PARP4: variants seen among roughly 807,000 people sequenced by gnomAD.
The protein encoded by PARP4 is poly(ADP-ribose) polymerase family member 4, also known as protein mono-ADP-ribosyltransferase PARP4.
Under a neutral mutation model 187.7 loss-of-function variants are expected in PARP4, and 120 were observed. The ratio of observed to expected loss-of-function variants is 0.64; its 90% CI spans 0.55 to 0.74. The LOEUF (loss-of-function observed/expected upper bound fraction) is 0.74. PARP4 is among the 30% of genes least tolerant of loss of function. The pLI is 0.00. For synonymous variants in PARP4, 654 were observed against 740.9 expected (o/e 0.88, Z 1.90); for missense variants, 1,836 against 2,070.5 (o/e 0.89, Z 2.20).
At chr13:24,453,746 T>C (rs1593607670) in intron 22 of PARP4, 92 bp from the exon 23 acceptor site, 1 of 757,328 alleles carries the variant, frequency 1.3e-6, no homozygotes, top group Non-Finnish European at 2.4e-6. Flanking sequence ...CCATCACGGC[T>C]GTTGTAAAGG....
At chr13:24,461,027 G>A (rs1872194088) in intron 17 of PARP4, among the ~76,000 whole-genome samples, 1 of 152,096 alleles carries the variant, frequency 6.6e-6, no homozygotes, top group Non-Finnish European at 1.5e-5. Context: ...GTTGATAATA[G>A]CTATATAAGG....
chr13:24,454,864 G>A (rs1378894487), intron 22 of PARP4, among the ~76,000 whole-genome samples, 153 bp downstream of exon 22: 1 of 152,100 alleles, frequency 6.6e-6, no homozygotes, highest in East Asian at 1.9e-4. Flanking sequence ...CCGGGACCTA[G>A]GGGGTCCAGC....
intron 10 of PARP4, among the ~76,000 whole-genome samples, chr13:24,489,735 G>C (rs1344526042): frequency 6.6e-6 from 1 of 152,220 alleles, no homozygotes; most frequent in Non-Finnish European, 1.5e-5. Context: ...ATGGGTCTGA[G>C]TCAGGCCATA....
At chr13:24,439,026 G>C (rs1233635348) in intron 30 of PARP4, among the ~76,000 whole-genome samples, 1 of 152,094 alleles carries the variant, frequency 6.6e-6, no homozygotes, top group African/African-American at 2.4e-5. Flanking sequence ...CAAGCTAATG[G>C]ATAATATTTT....
chr13:24,492,547 T>C lies in PARP4; in HGVS notation c.927A>G (p.Lys309=). 6.2e-7 allele frequency: 1 copy of C among 1,614,170 alleles called. No homozygotes were observed. Among genetic ancestry groups the C allele is most frequent in the South Asian group, 1.1e-5 (1 of 91,080 alleles). ...GILLLVKAAL[K]NGETAEQLQK... Reference sequence around the variant, plus strand: ...GCAATTGCTCTGCTGTTTCTCCATTTTTCAGTGCTGCCTTTACTAGAAGGA... The same window carrying C: ...GCAATTGCTCTGCTGTTTCTCCATTCTTCAGTGCTGCCTTTACTAGAAGGA... Residue 309 remains lysine, a synonymous_variant, in exon 9 of 34, where the codon AAA becomes AAG. Transcript: ENST00000381989.
chr13:24,442,070 TG>T, intron 29 of PARP4, 102 bp from the exon 30 acceptor site: 1 of 1,217,294 alleles, frequency 8.2e-7, no homozygotes, highest in Non-Finnish European at 1.1e-6. Context: ...GATATGCTGG[TG>T]TGTGGGACTG....
At chr13:24,478,065 C>T in intron 13 of PARP4, 28 bp downstream of exon 13, 1 of 1,552,856 alleles carries the variant, frequency 6.4e-7, no homozygotes, top group Non-Finnish European at 8.7e-7. Flanking sequence ...TCAAGACCCT[C>T]TTTGCTTCTT....
At chr13:24,438,467 C>G (rs1184915599) in intron 30 of PARP4, among the ~76,000 whole-genome samples, 2 of 152,336 alleles carry the variant, frequency 1.3e-5, no homozygotes, top group African/African-American at 4.8e-5. Context: ...GCTCTGGACC[C>G]TCAGCTTCAG....
At chr13:24,488,117 G>C (rs1193136356) in intron 10 of PARP4, among the ~76,000 whole-genome samples, 2 of 152,092 alleles carry the variant, frequency 1.3e-5, no homozygotes, top group African/African-American at 2.4e-5. Flanking sequence ...GTACTTAGGG[G>C]GTGGGGCGGC....
At chr13:24,470,526 C>T (rs1458385228) in intron 15 of PARP4, among the ~76,000 whole-genome samples, 1 of 152,166 alleles carries the variant, frequency 6.6e-6, no homozygotes, top group African/African-American at 2.4e-5. Context: ...ATCAAGTCTT[C>T]TCCACTACTC....
At chr13:24,490,977 T>C in intron 9 of PARP4, 149 bp from the exon 10 acceptor site, 1 of 712,238 alleles carries the variant, frequency 1.4e-6, no homozygotes, top group Non-Finnish European at 2.3e-6. Flanking sequence ...TGGGTCTTGC[T>C]CTCACCCACG....
chr13:24,438,863 T>C (rs555128169), intron 30 of PARP4, among the ~76,000 whole-genome samples: 2 of 152,354 alleles, frequency 1.3e-5, no homozygotes, highest in East Asian at 3.9e-4. Context: ...GGCGTGTTAC[T>C]GAATTCAGTG....
chr13:24,506,688 T>C (rs774773023), intron 1 of PARP4, among the ~76,000 whole-genome samples: 13 of 152,226 alleles, frequency 8.5e-5, no homozygotes, highest in South Asian at 2.1e-4. Flanking sequence ...GACTGGTGTA[T>C]TGACAATCCC....
intron 17 of PARP4, 51 bp downstream of exon 17, chr13:24,468,973 T>TAA: frequency 2.5e-6 from 3 of 1,216,048 alleles, no homozygotes; most frequent in Non-Finnish European, 3.7e-6. Context: ...TATCTTGTTC[T>TAA]AACTCTCTTT....
chr13:24,475,730 T>A, intron 14 of PARP4, 134 bp from the exon 15 acceptor site: 1 of 894,308 alleles, frequency 1.1e-6, no homozygotes, highest in Non-Finnish European at 1.7e-6. Flanking sequence ...TTTATGATTT[T>A]CAATAGCCAA....
rs184386950 is a variant in PARP4, at chr13:24,489,501, G to C, written c.1214+1167C>G. Reference sequence around the variant, plus strand: ...CGTGCGTCTATAGTCCCAGCTGAGGGGGGTGGCTGAGGCAGGAGAATGGCG... The same window carrying C: ...CGTGCGTCTATAGTCCCAGCTGAGGCGGGTGGCTGAGGCAGGAGAATGGCG... On this transcript the variant is annotated intron_variant, in intron 10 of 33. Transcript: ENST00000381989. Among the ~76,000 whole-genome samples, 109 of 152,228 alleles carry C rather than the reference G, an allele frequency of 7.2e-4. No homozygotes were observed. The East Asian group carries it at 0.015, about 22-fold the overall frequency.
rs1555234626 is a variant in PARP4 at position 24,455,506 on chromosome 13, T to TATATATATATATCACA, written c.2563-295_2563-294insTGTGATATATATATAT. Among the ~76,000 whole-genome samples the TATATATATATATCACA allele has an allele frequency of 9.4e-4, 127 of 135,436 alleles. 1 individual carries two copies. Among genetic ancestry groups the TATATATATATATCACA allele is most frequent in the Admixed American group, 1.9e-3 (25 of 13,370 alleles). The allele number at this position is 135,436 out of a possible 152,430, so 88.9% of individuals were successfully genotyped here. ...ATATATATATATATATATATATATA[T>TATATATATATATCACA]CACACTATTCTAAGAGGAATATACA... On this transcript the variant is annotated intron_variant, in intron 21 of 33. Coordinates refer to ENST00000381989, the MANE Select transcript of PARP4 (RefSeq NM_006437.4).
intron 17 of PARP4, among the ~76,000 whole-genome samples, chr13:24,465,080 A>G (rs898898910): frequency 1.3e-5 from 2 of 152,234 alleles, no homozygotes; most frequent in Admixed American, 1.3e-4. Context: ...AATCAAAACC[A>G]CGATGAGACA....
chr13:24,426,891 C>CAAAAA (rs5802279), intron 32 of PARP4, among the ~76,000 whole-genome samples: 2 of 93,572 alleles, frequency 2.1e-5, no homozygotes, highest in Non-Finnish European at 4.2e-5. Flanking sequence ...GACTCTGTCT[C>CAAAAA]AAAAAAAAAA....
Sources: allele counts gnomAD v4.1 joint callset (sites outside exome capture counted in the v4.1 genomes callset), GRCh38; gene constraint gnomAD v4.1.1; transcripts MANE v1.5; gene names NCBI Gene and HGNC (gene_info 2026-07-23, HGNC 2026-07-21).